TECTA: variants seen among roughly 807,000 people sequenced by gnomAD.
TECTA encodes the protein alpha-tectorin.
TECTA carries 128 observed loss-of-function variants against 216.8 expected under a neutral mutation model. That is an observed-to-expected ratio of 0.59 (90% CI 0.51 to 0.68). The LOEUF (loss-of-function observed/expected upper bound fraction) is 0.68. Ranked by LOEUF, TECTA falls within the 30% of genes least tolerant of loss-of-function variation. The pLI is 0.00. For missense variants in TECTA, 2,551 were observed against 2,786.2 expected (o/e 0.92, Z 1.90); for synonymous variants, 1,089 against 1,117.1 (o/e 0.97, Z 0.50).
chr11:121,127,835 T>A lies in TECTA; in HGVS notation c.1858T>A (p.Ser620Thr), dbSNP rs1946628287. 6.2e-7 allele frequency: 1 copy of A among 1,614,132 alleles called. No homozygotes were observed. Among genetic ancestry groups the A allele is most frequent in the African/African-American group, 1.3e-5 (1 of 75,056 alleles). Residue 620 changes from serine (S) to threonine (T), a missense_variant, in exon 9 of 24, where the codon TCG (serine) becomes ACG (threonine). Ser to Thr is a moderately conservative substitution (Grantham distance 58, BLOSUM62 1). This residue lies in a region of TECTA where 2,375 missense variants were observed against 2,563.9 expected (regional missense o/e 0.93). Transcript: ENST00000392793. The surrounding 1 kb of genome is among the most constrained non-coding windows in gnomAD (Gnocchi z 5.0). ...CPDTCSDLTA[S>T]RNCATPCTEG... ...CGACACATGCTCCGACCTGACGGCC[T>A]CGCGGAACTGCGCCACGCCGTGCAC...
chr11:121,112,435 G>A (rs554062623), intron 4 of TECTA, among the ~76,000 whole-genome samples: 70 of 152,320 alleles, frequency 4.6e-4, no homozygotes, highest in Non-Finnish European at 9.3e-4. Context: ...CCGTCTTAGC[G>A]TTGGTCTGGG....
At chr11:121,171,142 A>T (rs910755799) in intron 20 of TECTA, among the ~76,000 whole-genome samples, 7 of 152,198 alleles carry the variant, frequency 4.6e-5, no homozygotes, top group Admixed American at 6.6e-5. Context: ...ATTCTTCTGC[A>T]TATGGATATC....
chr11:121,177,960 G>A (rs964604004), intron 20 of TECTA, among the ~76,000 whole-genome samples: 10 of 152,228 alleles, frequency 6.6e-5, no homozygotes, highest in Admixed American at 1.3e-4. Flanking sequence ...GCGAGACTCT[G>A]TGGGCATAGG....
intron 7 of TECTA, 44 bp downstream of exon 7, chr11:121,118,762 G>T: frequency 1.9e-6 from 3 of 1,609,696 alleles, no homozygotes; most frequent in Non-Finnish European, 2.5e-6. Context: ...AGAAGCTGGA[G>T]ATTCTTCAGC....
chr11:121,126,044 C>T (rs571022420), intron 8 of TECTA, among the ~76,000 whole-genome samples, 172 bp downstream of exon 8: 1 of 152,200 alleles, frequency 6.6e-6, no homozygotes, highest in Non-Finnish European at 1.5e-5. Context: ...ACTTTTGCCC[C>T]CACCTAATAC....
chr11:121,149,778 C>A (rs1946872271), intron 12 of TECTA, among the ~76,000 whole-genome samples: 1 of 152,226 alleles, frequency 6.6e-6, no homozygotes, highest in East Asian at 1.9e-4. Flanking sequence ...GACCACGGTA[C>A]AAATCCAGGT....
chr11:121,116,402 A>G (rs1028958180), intron 6 of TECTA, among the ~76,000 whole-genome samples: 4 of 152,206 alleles, frequency 2.6e-5, no homozygotes, highest in Non-Finnish European at 5.9e-5. Flanking sequence ...GCCATACAAC[A>G]TGAGTGCCCA....
chr11:121,189,608 G>A (rs1051450824), intron 22 of TECTA, among the ~76,000 whole-genome samples, 156 bp from the exon 23 acceptor site: 3 of 152,008 alleles, frequency 2.0e-5, no homozygotes, highest in African/African-American at 7.3e-5. Flanking sequence ...TCTCCTGACC[G>A]CGTGATCCAC....
At chr11:121,125,134 C>T (rs1421354821) in intron 7 of TECTA, among the ~76,000 whole-genome samples, 168 bp from the exon 8 acceptor site, 1 of 152,234 alleles carries the variant, frequency 6.6e-6, no homozygotes, top group East Asian at 1.9e-4. Flanking sequence ...TCTCCATTTC[C>T]CCCCCGGCCT....
chr11:121,127,830 C>G lies in TECTA; in HGVS notation c.1853C>G (p.Thr618Arg). Reference sequence around the variant, plus strand: ...TGCCCCGACACATGCTCCGACCTGACGGCCTCGCGGAACTGCGCCACGCCG... The same window carrying G: ...TGCCCCGACACATGCTCCGACCTGAGGGCCTCGCGGAACTGCGCCACGCCG... ...SSCPDTCSDL[T>R]ASRNCATPCT... The change falls in exon 9 of 24, where the codon ACG (threonine) becomes AGG (arginine). Residue 618 changes from threonine (T) to arginine (R), a missense_variant. This residue lies in a region of TECTA where 2,375 missense variants were observed against 2,563.9 expected (regional missense o/e 0.93). Coordinates refer to ENST00000392793, the MANE Select transcript of TECTA (RefSeq NM_005422.4). This position sits in a 1 kb window ranked among gnomAD's most constrained non-coding sequence, Gnocchi z 5.0. The G allele has an allele frequency of 6.2e-7, 1 of 1,614,154 alleles. No homozygotes were observed. The highest frequency in any genetic ancestry group is 8.5e-7 in the Non-Finnish European group (1 of 1,180,028).
At chr11:121,173,993 T>A (rs1440357816) in intron 20 of TECTA, among the ~76,000 whole-genome samples, 1 of 152,074 alleles carries the variant, frequency 6.6e-6, no homozygotes, top group African/African-American at 2.4e-5. Flanking sequence ...TCTCTGTTTG[T>A]CTGTTATTGG....
At chr11:121,143,519 A>G (rs11218158) in intron 11 of TECTA, among the ~76,000 whole-genome samples, 41,340 of 151,928 alleles carry the variant, frequency 0.27, 7,099 homozygotes, top group African/African-American at 0.49. Flanking sequence ...GTTTACCTCT[A>G]TCTTTGCTTT....
At chr11:121,166,522 C>T in intron 17 of TECTA, 56 bp from the exon 18 acceptor site, 1 of 1,580,224 alleles carries the variant, frequency 6.3e-7, no homozygotes, top group South Asian at 1.1e-5. Context: ...TTTGCTCCCA[C>T]TCCTGCAGCA....
intron 4 of TECTA, 103 bp from the exon 5 acceptor site, chr11:121,112,969 G>A: frequency 6.8e-7 from 1 of 1,468,036 alleles, no homozygotes; most frequent in Non-Finnish European, 9.4e-7. Context: ...GCAGCTCTGA[G>A]CTGCCTGTGG....
At chr11:121,146,429 C>CAA (rs5795263) in intron 12 of TECTA, among the ~76,000 whole-genome samples, 71,769 of 151,894 alleles carry the variant, frequency 0.47, 20,229 homozygotes, top group African/African-American at 0.8. Flanking sequence ...AGAATGCTAA[C>CAA]GAGATTAATG....
chr11:121,156,228 G>A (rs1946939749), intron 13 of TECTA, among the ~76,000 whole-genome samples: 1 of 152,170 alleles, frequency 6.6e-6, no homozygotes, highest in African/African-American at 2.4e-5. Context: ...AGGCTGAAGT[G>A]CAGCAGCAGG....
At chr11:121,120,282 A>T (rs1189965444) in intron 7 of TECTA, among the ~76,000 whole-genome samples, 1 of 152,164 alleles carries the variant, frequency 6.6e-6, no homozygotes, top group Non-Finnish European at 1.5e-5. Flanking sequence ...TTCTGTAGCG[A>T]CAGGGCGATG....
intron 7 of TECTA, among the ~76,000 whole-genome samples, chr11:121,121,107 C>A (rs1946554067): frequency 6.6e-6 from 1 of 152,190 alleles, no homozygotes; most frequent in Non-Finnish European, 1.5e-5. Flanking sequence ...GTCACACCAG[C>A]CCCCATCCTC....
chr11:121,127,257 A>G lies in TECTA; in HGVS notation c.1775-495A>G, dbSNP rs1946621743. On this transcript the variant is annotated intron_variant, in intron 8 of 23. Coordinates refer to ENST00000392793, the MANE Select transcript of TECTA (RefSeq NM_005422.4). This position sits in a 1 kb window ranked among gnomAD's most constrained non-coding sequence, Gnocchi z 5.0. ...TTCATCCCCACAGCCTTCCTTGGTCACACTTAGGTATTTTAAGTGCCTCCC... is the reference window on the plus strand; with the variant it reads ...TTCATCCCCACAGCCTTCCTTGGTCGCACTTAGGTATTTTAAGTGCCTCCC... Among the ~76,000 whole-genome samples the G allele has an allele frequency of 6.6e-6, 1 of 152,186 alleles. No homozygotes were observed. Among genetic ancestry groups the G allele is most frequent in the Non-Finnish European group, 1.5e-5 (1 of 68,030 alleles).
Sources: gnomAD v4.1 joint callset for allele counts (sites outside exome capture counted in the v4.1 genomes callset) on GRCh38, gnomAD v4.1.1 for gene constraint, gnomAD v4.1.1 regional missense constraint, Gnocchi (gnomAD v3.1) non-coding constraint, MANE v1.5 for transcripts, NCBI Gene and HGNC (gene_info 2026-07-23, HGNC 2026-07-21) for gene names.